Variants in ATP2C2 observed in about 807,000 individuals in gnomAD.
The protein encoded by ATP2C2 is ATPase secretory pathway Ca2+ transporting 2.
In ATP2C2, 171 loss-of-function variants were observed where a neutral mutation model predicts 110.8. The ratio of observed to expected loss-of-function variants is 1.54; its 90% CI spans 1.36 to 1.75. ATP2C2 has a LOEUF of 1.75. ATP2C2 is among the 40% of genes most tolerant of loss of function. ATP2C2 has a pLI of 0.00. For synonymous variants in ATP2C2, 804 were observed against 508.4 expected, an observed-to-expected ratio of 1.58 and a Z score of -7.82; for missense variants, 1,963 against 1,235.0, an observed-to-expected ratio of 1.59 and a Z score of -8.84.
At chr16:84,459,460 T>G (rs759612579) in intron 23 of ATP2C2, 74 bp downstream of exon 23, 37 of 1,603,390 alleles carry the variant, frequency 2.3e-5, no homozygotes, top group Admixed American at 3.3e-5. Flanking sequence ...CTGCTGGCTG[T>G]GCCCCAAGGC....
intron 15 of ATP2C2, among the ~76,000 whole-genome samples, chr16:84,445,854 A>C (rs552874406): frequency 1.3e-5 from 2 of 152,334 alleles, no homozygotes; most frequent in African/African-American, 2.4e-5. Flanking sequence ...ACTGGTTTAC[A>C]CCTGGGGAAA....
At chr16:84,403,865 A>G (rs1289562394) in intron 2 of ATP2C2, among the ~76,000 whole-genome samples, 1 of 152,062 alleles carries the variant, frequency 6.6e-6, no homozygotes, top group East Asian at 1.9e-4. Context: ...TAATTCTTGT[A>G]TTTTTAGTAG....
At chr16:84,394,270 C>G (rs758146960) in intron 1 of ATP2C2, among the ~76,000 whole-genome samples, 1 of 152,078 alleles carries the variant, frequency 6.6e-6, no homozygotes, top group Non-Finnish European at 1.5e-5. Flanking sequence ...GTAATGGGAT[C>G]TAGTACACTC....
At chr16:84,370,736 A>G (rs1909906026) in intron 1 of ATP2C2, among the ~76,000 whole-genome samples, 2 of 151,622 alleles carry the variant, frequency 1.3e-5, no homozygotes, top group South Asian at 2.1e-4. Flanking sequence ...TCACTCCTCA[A>G]TAGAACCGTC....
chr16:84,412,701 A>G (rs1038997996), intron 6 of ATP2C2, among the ~76,000 whole-genome samples: 3 of 152,088 alleles, frequency 2.0e-5, no homozygotes, highest in Admixed American at 1.3e-4. Context: ...GATTTCAAAA[A>G]AGGCCAAAGT....
chr16:84,444,331 G>A (rs1012664577), intron 15 of ATP2C2, among the ~76,000 whole-genome samples: 3 of 151,876 alleles, frequency 2.0e-5, no homozygotes, highest in Non-Finnish European at 4.4e-5. Context: ...AAATTAGCTG[G>A]GCATGGTGGT....
At chr16:84,376,113 C>T (rs546790480) in intron 1 of ATP2C2, among the ~76,000 whole-genome samples, 2 of 152,028 alleles carry the variant, frequency 1.3e-5, no homozygotes, top group Admixed American at 1.3e-4. Context: ...GGGGTCTGTA[C>T]GTGACCATTT....
intron 23 of ATP2C2, chr16:84,460,301 C>G (rs1040776835): frequency 2.9e-6 from 1 of 347,526 alleles, no homozygotes; most frequent in Non-Finnish European, 5.5e-6. Flanking sequence ...TGATGAGGGG[C>G]TCTGCGGAGG....
intron 1 of ATP2C2, among the ~76,000 whole-genome samples, chr16:84,387,995 T>G (rs1295003272): frequency 6.6e-6 from 1 of 151,620 alleles, no homozygotes; most frequent in East Asian, 1.9e-4. Flanking sequence ...TCTGCTGGTC[T>G]CGGGTGAGCC....
Position 84,384,349 on chromosome 16 carries a change from A to G in ATP2C2, c.100-14150A>G, listed in dbSNP as rs564372089. On this transcript the variant is annotated intron_variant, in intron 1 of 26. Coordinates refer to ENST00000262429, the MANE Select transcript of ATP2C2 (RefSeq NM_014861.4). Reference sequence around the variant, plus strand: ...ATTCCAGGCTCGGGGACGTCATAGGATGTCTCTTGATTTGAGTTTGTCTAA... The same window carrying G: ...ATTCCAGGCTCGGGGACGTCATAGGGTGTCTCTTGATTTGAGTTTGTCTAA... Among the ~76,000 whole-genome samples, 5 of 152,050 alleles carry G rather than the reference A, an allele frequency of 3.3e-5. No homozygotes were observed. In the East Asian group the frequency reaches 9.7e-4, roughly 29 times the overall value.
chr16:84,448,451 A>C (rs1014478034), intron 16 of ATP2C2, 82 bp from the exon 17 acceptor site: 1 of 1,473,572 alleles, frequency 6.8e-7, no homozygotes, highest in Non-Finnish European at 9.2e-7. Flanking sequence ...GTGTCTTTGT[A>C]ACCTTGTGCA....
rs532346305 is a variant in ATP2C2 at position 84,414,814 on chromosome 16, T to C, written c.516-669T>C. 6.6e-5 allele frequency among the ~76,000 whole-genome samples: 10 copies of C among 152,184 alleles called. No homozygotes were observed. The South Asian group carries it at 1.7e-3, about 25-fold the overall frequency. On this transcript the variant is annotated intron_variant, in intron 6 of 26. Transcript: ENST00000262429. ...AGGCTGGCTGGCCGTGGAGGAGATCTTTGAGTTTGGTACCAGGGTCATGGG... is the reference window on the plus strand; with the variant it reads ...AGGCTGGCTGGCCGTGGAGGAGATCCTTGAGTTTGGTACCAGGGTCATGGG...
chr16:84,461,689 T>C (rs747352427), intron 24 of ATP2C2, 25 bp from the exon 25 acceptor site: 2 of 1,604,200 alleles, frequency 1.2e-6, no homozygotes, highest in East Asian at 2.2e-5. Context: ...CCGCCTAACC[T>C]CTCACCTTTG....
rs937162613 is a variant in ATP2C2 at position 84,459,650 on chromosome 16, G to T, written c.2333+264G>T. 169 of 1,427,406 alleles carry T rather than the reference G, an allele frequency of 1.2e-4. No individual in the cohort carries two copies. The African/African-American group carries it at 2.2e-3, about 19-fold the overall frequency. The allele number at this position is 1,427,406 out of a possible 1,614,324, so 88.4% of individuals were successfully genotyped here. ...GATGCTCTCTCTGGGCAACCTGCAT[G>T]GCTCATTCTCATGCTTCATTCCAGT... is the stretch of plus-strand genomic sequence containing the variant. On this transcript the variant is annotated intron_variant, in intron 23 of 26. Coordinates refer to ENST00000262429, the MANE Select transcript of ATP2C2 (RefSeq NM_014861.4).
intron 11 of ATP2C2, chr16:84,426,015 G>A: frequency 1.7e-6 from 1 of 583,064 alleles, no homozygotes; most frequent in African/African-American, 1.9e-5. Context: ...AAATGATCCA[G>A]GGTGTCCCTT....
At chr16:84,409,619 A>T (rs921181019) in intron 4 of ATP2C2, among the ~76,000 whole-genome samples, 1 of 151,856 alleles carries the variant, frequency 6.6e-6, no homozygotes, top group African/African-American at 2.4e-5. Context: ...CAGCCTTCTG[A>T]GCAGCTGGGA....
intron 7 of ATP2C2, among the ~76,000 whole-genome samples, chr16:84,420,922 C>T (rs905297255): frequency 8.5e-5 from 13 of 152,278 alleles, no homozygotes; most frequent in African/African-American, 3.1e-4. Flanking sequence ...TCTCCTGCCT[C>T]AGCCTCCTGA....
chr16:84,451,977 G>A lies in ATP2C2; in HGVS notation c.1717G>A (p.Gly573Ser). The A allele has an allele frequency of 6.2e-7, 1 of 1,613,952 alleles. No homozygotes were observed. Reference protein sequence around the residue: ...LGRLTFLGLVGIIDPPRVGVK... With the variant: ...LGRLTFLGLVSIIDPPRVGVK... ...GCGGCTGACGTTTCTCGGTCTTGTG[G>A]GCATCATTGACCCCCCGAGAGTTGG... The change falls in exon 18 of 27, where the codon GGC (glycine) becomes AGC (serine). Residue 573 changes from glycine (G) to serine (S), a missense_variant. Gly to Ser is a moderately conservative substitution (Grantham distance 56). Transcript: ENST00000262429.
chr16:84,453,538 G>A (rs1910514564), intron 20 of ATP2C2, among the ~76,000 whole-genome samples, 167 bp downstream of exon 20: 5 of 152,132 alleles, frequency 3.3e-5, no homozygotes, highest in African/African-American at 1.2e-4. Context: ...TAGCCAGGGG[G>A]AGGGGAGGAG....
Sources: gnomAD v4.1 joint callset for allele counts (sites outside exome capture counted in the v4.1 genomes callset) on GRCh38, gnomAD v4.1.1 for gene constraint, MANE v1.5 for transcripts, NCBI Gene and HGNC (gene_info 2026-07-23, HGNC 2026-07-21) for gene names.